GHR: variants seen among roughly 807,000 people sequenced by gnomAD.
The protein encoded by GHR is GH receptor.
GHR carries 35 observed loss-of-function variants against 67.1 expected under a neutral mutation model. That is an observed-to-expected ratio of 0.52 (90% CI 0.40 to 0.69). The LOEUF (loss-of-function observed/expected upper bound fraction) is 0.69. Among genes scored for constraint, GHR ranks in the 30% least tolerant of loss-of-function variants. The pLI, the probability that GHR is intolerant of heterozygous loss-of-function variation, is 0.00. For synonymous variants in GHR, 272 were observed against 269.1 expected (o/e 1.01, Z -0.10); for missense variants, 792 against 764.6 (o/e 1.04, Z -0.42).
chr5:42,640,105 T>G (rs1754391954), intron 3 of GHR, among the ~76,000 whole-genome samples: 1 of 152,170 alleles, frequency 6.6e-6, no homozygotes, highest in African/African-American at 2.4e-5. Flanking sequence ...TTGGGACTTT[T>G]CTATCTCATG....
chr5:42,610,808 C>G (rs1261501895), intron 2 of GHR, among the ~76,000 whole-genome samples: 1 of 152,094 alleles, frequency 6.6e-6, no homozygotes, highest in Non-Finnish European at 1.5e-5. Flanking sequence ...AGTCTTCAAA[C>G]CAAAGTCACT....
At position 42,652,942 on chromosome 5, in the gene GHR, C is replaced by T. The variant is rs546025446; in HGVS notation, c.136+23839C>T. Reference sequence around the variant, plus strand: ...AATCTTCTTCTAGAATAATGAGAAGCAGTGTGAACTTTGAAGTAGGACTTC... The same window carrying T: ...AATCTTCTTCTAGAATAATGAGAAGTAGTGTGAACTTTGAAGTAGGACTTC... On this transcript the variant is annotated intron_variant, in intron 3 of 9. Coordinates refer to ENST00000230882, the MANE Select transcript of GHR (RefSeq NM_000163.5). Among the ~76,000 whole-genome samples, 4 of 152,140 alleles carry T rather than the reference C, an allele frequency of 2.6e-5. No homozygotes were observed. In the South Asian group the frequency reaches 8.3e-4, roughly 32 times the overall value.
intron 1 of GHR, among the ~76,000 whole-genome samples, chr5:42,531,140 C>T (rs770544589): frequency 8.6e-5 from 13 of 151,848 alleles, no homozygotes; most frequent in South Asian, 4.1e-4. Context: ...TGGTGGTGTG[C>T]GCCTGTAATC....
At chr5:42,612,098 A>G (rs936019907) in intron 2 of GHR, among the ~76,000 whole-genome samples, 2 of 152,166 alleles carry the variant, frequency 1.3e-5, no homozygotes, top group Admixed American at 6.5e-5. Flanking sequence ...GATACTTAGG[A>G]TAATAGTATG....
intron 1 of GHR, among the ~76,000 whole-genome samples, chr5:42,490,429 G>A (rs913181923): frequency 6.6e-6 from 1 of 152,208 alleles, no homozygotes; most frequent in Non-Finnish European, 1.5e-5. Flanking sequence ...TGACAGCTGG[G>A]CTGGCCTTCA....
At chr5:42,689,250 C>T (rs933431266) in intron 4 of GHR, among the ~76,000 whole-genome samples, 2 of 152,184 alleles carry the variant, frequency 1.3e-5, no homozygotes, top group African/African-American at 4.8e-5. Context: ...TCCCTGGTCT[C>T]ATGGAGATTT....
chr5:42,449,681 A>T (rs1387715701), intron 1 of GHR, among the ~76,000 whole-genome samples: 1 of 152,118 alleles, frequency 6.6e-6, no homozygotes, highest in East Asian at 1.9e-4. Context: ...CGCTGAATAG[A>T]AGTGGTGACA....
chr5:42,479,108 T>G (rs968095953), intron 1 of GHR, among the ~76,000 whole-genome samples: 1 of 152,232 alleles, frequency 6.6e-6, no homozygotes, highest in Non-Finnish European at 1.5e-5. Context: ...TTGTTGAATT[T>G]TTACAAAGGC....
intron 1 of GHR, among the ~76,000 whole-genome samples, chr5:42,534,069 C>T (rs977611966): frequency 7.4e-5 from 11 of 147,938 alleles, no homozygotes; most frequent in Admixed American, 2.7e-4. Flanking sequence ...TATATATGTA[C>T]GTATGTATAT....
At chr5:42,581,247 T>G (rs1751152975) in intron 2 of GHR, among the ~76,000 whole-genome samples, 1 of 152,180 alleles carries the variant, frequency 6.6e-6, no homozygotes, top group African/African-American at 2.4e-5. Flanking sequence ...GCTTCTGGAC[T>G]CACCACCCTA....
intron 1 of GHR, among the ~76,000 whole-genome samples, chr5:42,545,395 A>C (rs916683986): frequency 1.3e-5 from 2 of 152,246 alleles, no homozygotes; most frequent in Non-Finnish European, 2.9e-5. Flanking sequence ...ACAACTTTTT[A>C]TACGGAGCAT....
At chr5:42,652,566 A>C (rs1228066919) in intron 3 of GHR, among the ~76,000 whole-genome samples, 1 of 152,200 alleles carries the variant, frequency 6.6e-6, no homozygotes, top group Non-Finnish European at 1.5e-5. Flanking sequence ...TGAAAGGAGC[A>C]AGAATATAGA....
intron 6 of GHR, among the ~76,000 whole-genome samples, chr5:42,702,521 C>T (rs1286900375): frequency 6.6e-6 from 1 of 151,940 alleles, no homozygotes; most frequent in African/African-American, 2.4e-5. Flanking sequence ...TATTCTGGCT[C>T]AACATACTGA....
intron 4 of GHR, among the ~76,000 whole-genome samples, chr5:42,693,455 A>C (rs1439226472): frequency 6.6e-6 from 1 of 152,032 alleles, no homozygotes; most frequent in East Asian, 1.9e-4. Flanking sequence ...TGCAACTTTT[A>C]AGAGTCTCAA....
intron 1 of GHR, among the ~76,000 whole-genome samples, chr5:42,478,290 A>G (rs1002349338): frequency 6.6e-6 from 1 of 152,080 alleles, no homozygotes; most frequent in Non-Finnish European, 1.5e-5. Context: ...ACTGTAGCCT[A>G]GTAGTATAGT....
intron 3 of GHR, among the ~76,000 whole-genome samples, chr5:42,636,101 T>C (rs1207705668): frequency 1.3e-5 from 2 of 150,586 alleles, no homozygotes; most frequent in African/African-American, 2.5e-5. Flanking sequence ...TCCCAGCTAC[T>C]TGGGAGGCTG....
Position 42,424,569 on chromosome 5 carries a change from A to C in GHR, c.-12+614A>C, listed in dbSNP as rs1325495130. ...GCACCGATGGAACTGGGGTCAGTAG[A>C]GTGACAGCCACCAGTCCGCATGAAC... On this transcript the variant is annotated intron_variant, in intron 1 of 9. Transcript: ENST00000230882. This position sits in a 1 kb window ranked among gnomAD's most constrained non-coding sequence, Gnocchi z 4.1. 1.3e-6 allele frequency: 2 copies of C among 1,534,174 alleles called. No individual in the cohort carries two copies. The highest frequency in any genetic ancestry group is 2.4e-5 in the East Asian group (1 of 40,866).
chr5:42,680,977 C>T (rs1366092207), intron 3 of GHR, among the ~76,000 whole-genome samples: 1 of 152,032 alleles, frequency 6.6e-6, no homozygotes, highest in Non-Finnish European at 1.5e-5. Flanking sequence ...GGATTAAAGA[C>T]TTAAATGTTA....
intron 1 of GHR, among the ~76,000 whole-genome samples, chr5:42,481,021 G>A (rs1310198870): frequency 1.3e-5 from 2 of 152,220 alleles, no homozygotes; most frequent in East Asian, 1.9e-4. Flanking sequence ...TGCAGTGGCT[G>A]GTACCGGTTG....
Sources: allele counts gnomAD v4.1 joint callset (sites outside exome capture counted in the v4.1 genomes callset), GRCh38; gene constraint gnomAD v4.1.1; non-coding constraint Gnocchi (gnomAD v3.1); transcripts MANE v1.5; gene names NCBI Gene and HGNC (gene_info 2026-07-23, HGNC 2026-07-21).